The following GYPB variants were observed in gnomAD, a reference collection of about 807,000 sequenced individuals.
GYPB encodes the protein glycophorin B (MNS blood group).
A neutral mutation model predicts 15.3 loss-of-function variants in GYPB; 13 were observed. The observed-to-expected ratio is 0.85, with a 90% CI of 0.55 to 1.35. The LOEUF (loss-of-function observed/expected upper bound fraction) is 1.35, where lower values mean the gene tolerates loss of function less well. Among genes scored for constraint, GYPB ranks in the 40% most tolerant of loss-of-function variants. The pLI is 0.00. For synonymous variants in GYPB, 38 were observed against 36.9 expected, an observed-to-expected ratio of 1.03 and a Z score of -0.11; for missense variants, 131 against 108.3, an observed-to-expected ratio of 1.21 and a Z score of -0.93.
At chr4:144,003,445 A>G (rs919901653) in intron 1 of GYPB, among the ~76,000 whole-genome samples, 2 of 151,334 alleles carry the variant, frequency 1.3e-5, no homozygotes, top group Non-Finnish European at 2.9e-5. Flanking sequence ...GAGAAGCCCT[A>G]TAGCCTGAGG....
Position 143,996,339 on chromosome 4 carries a change from C to T in GYPB, c.271-35G>A, listed in dbSNP as rs183421680. 2.0e-4 allele frequency: 317 copies of T among 1,550,172 alleles called. 19 individuals are homozygous for T. The African/African-American group carries it at 3.9e-3, about 19-fold the overall frequency. ...AAAGACAAGAAGTTTCCACTTCAGC[C>T]TCTGCTTGACCATGAGCTAAGACTC... On this transcript the variant is annotated intron_variant, in intron 4 of 4. Coordinates refer to ENST00000502664, the MANE Select transcript of GYPB (RefSeq NM_002100.6).
intron 1 of GYPB, among the ~76,000 whole-genome samples, chr4:144,017,995 C>G (rs553065670): frequency 6.6e-6 from 1 of 151,166 alleles, no homozygotes; most frequent in African/African-American, 2.5e-5. Context: ...TAGGTTTGTT[C>G]CCTAGTCTAT....
intron 1 of GYPB, among the ~76,000 whole-genome samples, chr4:144,001,568 C>T (rs1403629715): frequency 1.3e-5 from 2 of 150,988 alleles, no homozygotes; most frequent in Non-Finnish European, 2.9e-5. Flanking sequence ...TAATACTTGC[C>T]TCAAAATGTC....
intron 1 of GYPB, among the ~76,000 whole-genome samples, chr4:144,002,081 C>T (rs1057238315): frequency 3.4e-5 from 5 of 148,512 alleles, no homozygotes; most frequent in African/African-American, 1.3e-4. Context: ...TGTAATTAAA[C>T]ACTTTTTATT....
At chr4:144,012,015 A>G (rs1728244228) in intron 1 of GYPB, among the ~76,000 whole-genome samples, 1 of 152,114 alleles carries the variant, frequency 6.6e-6, no homozygotes, top group Non-Finnish European at 1.5e-5. Context: ...GATGACTGGG[A>G]AATAAGTGAT....
Position 143,997,674 on chromosome 4 carries a change from G to T in GYPB, c.176-40C>A. The T allele has an allele frequency of 3.0e-6, 3 of 990,408 alleles. No individual in the cohort carries two copies. The South Asian group carries it at 3.8e-5, about 13-fold the overall frequency. The allele number at this position is 990,408 out of a possible 1,614,324, so 61.4% of individuals were successfully genotyped here. A position where few individuals can be genotyped will look rare whatever the true frequency, so the allele number is the denominator to read the frequency against. On this transcript the variant is annotated intron_variant, in intron 3 of 4. Coordinates refer to ENST00000502664, the MANE Select transcript of GYPB (RefSeq NM_002100.6). Reference sequence around the variant, plus strand: ...AAAATTATGAAAGTCTGAAATAAATGACCACATAGCAATAGAAAAATAAGA... The same window carrying T: ...AAAATTATGAAAGTCTGAAATAAATTACCACATAGCAATAGAAAAATAAGA...
intron 1 of GYPB, among the ~76,000 whole-genome samples, chr4:144,017,927 G>C (rs1486485554): frequency 6.6e-6 from 1 of 151,116 alleles, no homozygotes. Context: ...TTTGTTTTCT[G>C]TTTTCTTTCT....
chr4:144,016,033 T>G (rs997932995), intron 1 of GYPB, among the ~76,000 whole-genome samples: 2 of 149,942 alleles, frequency 1.3e-5, no homozygotes, highest in African/African-American at 5.0e-5. Flanking sequence ...GACACAGGTT[T>G]GGCTTTTCAA....
chr4:144,002,822 A>T (rs1727698843), intron 1 of GYPB: 1 of 445,574 alleles, frequency 2.2e-6, no homozygotes, highest in Admixed American at 2.8e-5. Flanking sequence ...CAAATCATGG[A>T]GAAGACATGA....
At chr4:144,017,785 A>C (rs1728584008) in intron 1 of GYPB, among the ~76,000 whole-genome samples, 1 of 151,374 alleles carries the variant, frequency 6.6e-6, no homozygotes, top group Admixed American at 6.6e-5. Context: ...CAAAGAATAC[A>C]TCTTTTTTTC....
Position 143,999,442 on chromosome 4 carries a change from C to G in GYPB, c.144G>C (p.Thr48=). The stretch of plus-strand genomic sequence containing the variant: ...CAGTGAAACGATGGACAAGTTGTCC[C>G]GTTTCTCCTATAAAGCAAAATTTCA... ...SYISSQTNGE[T]GQLVHRFTVP... The change falls in exon 3 of 5, where the codon ACG becomes ACC. Residue 48 remains threonine, a synonymous_variant. Coordinates refer to ENST00000502664, the MANE Select transcript of GYPB (RefSeq NM_002100.6). The G allele has an allele frequency of 1.3e-6, 2 of 1,531,666 alleles. No individual in the cohort carries two copies. Among genetic ancestry groups the G allele is most frequent in the East Asian group, 2.3e-5 (1 of 44,318 alleles). The allele number at this position is 1,531,666 out of a possible 1,614,324, so 94.9% of individuals were successfully genotyped here. A position where few individuals can be genotyped will look rare whatever the true frequency, so the allele number is the denominator to read the frequency against.
chr4:144,013,927 AT>A lies in GYPB; in HGVS notation c.37+5323del, dbSNP rs149299823. On this transcript the variant is annotated intron_variant, in intron 1 of 4. Transcript: ENST00000502664. ...AAACTTAAAGTATAGTAAAAAAAAA[AT>A]AATGGGTGAAGGACTAGAACCAACA... Among the ~76,000 whole-genome samples the A allele has an allele frequency of 5.4e-3, 800 of 147,884 alleles. 50 individuals carry two copies. The highest frequency in any genetic ancestry group is 0.02 in the African/African-American group (756 of 37,360).
chr4:144,016,140 GAA>G (rs10594193), intron 1 of GYPB, among the ~76,000 whole-genome samples: 986 of 38,814 alleles, frequency 0.025, 21 homozygotes, highest in East Asian at 0.087. Flanking sequence ...TTGGATCCCT[GAA>G]AAAAAAAAAA....
At chr4:143,996,479 A>G (rs1361441202) in intron 4 of GYPB, among the ~76,000 whole-genome samples, 175 bp from the exon 5 acceptor site, 2 of 151,192 alleles carry the variant, frequency 1.3e-5, no homozygotes, top group African/African-American at 4.9e-5. Context: ...AAAAACCCTA[A>G]TTAGGGCCGG....
At chr4:144,017,748 C>A (rs532715105) in intron 1 of GYPB, among the ~76,000 whole-genome samples, 1 of 151,544 alleles carries the variant, frequency 6.6e-6, no homozygotes, top group East Asian at 1.9e-4. Context: ...GAGCTACATC[C>A]AGTTTGGTTT....
rs562549948 is a variant in GYPB at position 144,005,949 on chromosome 4, G to A, written c.38-4666C>T. ...AAAGGGGAGTATAACATGCATTGATGTGGAGGCTTAGGTCACCTAGCAGGC... is the reference window on the plus strand; with the variant it reads ...AAAGGGGAGTATAACATGCATTGATATGGAGGCTTAGGTCACCTAGCAGGC... On this transcript the variant is annotated intron_variant, in intron 1 of 4. Coordinates refer to ENST00000502664, the MANE Select transcript of GYPB (RefSeq NM_002100.6). Among the ~76,000 whole-genome samples the A allele has an allele frequency of 2.6e-3, 394 of 151,644 alleles. 22 individuals are homozygous for A. Among genetic ancestry groups the A allele is most frequent in the African/African-American group, 9.1e-3 (370 of 40,882 alleles).
At position 144,015,838 on chromosome 4, in the gene GYPB, T is replaced by C. The variant is rs1405475636; in HGVS notation, c.37+3413A>G. Among the ~76,000 whole-genome samples, 22 of 151,264 alleles carry C rather than the reference T, an allele frequency of 1.5e-4. 3 individuals carry two copies. The highest frequency in any genetic ancestry group is 4.9e-4 in the African/African-American group (20 of 40,626). On this transcript the variant is annotated intron_variant, in intron 1 of 4. Coordinates refer to ENST00000502664, the MANE Select transcript of GYPB (RefSeq NM_002100.6). Reference sequence around the variant, plus strand: ...GGGGTTTACAGATGAAAAATGATTGTAGATACCATCTACTCGGTGCTTGAT... The same window carrying C: ...GGGGTTTACAGATGAAAAATGATTGCAGATACCATCTACTCGGTGCTTGAT...
intron 1 of GYPB, among the ~76,000 whole-genome samples, chr4:144,008,606 C>T (rs536751361): frequency 2.0e-5 from 3 of 151,634 alleles, no homozygotes; most frequent in South Asian, 4.1e-4. Context: ...ACATATTTTA[C>T]CTGTGTCCAC....
At chr4:144,010,572 G>A (rs953829470) in intron 1 of GYPB, among the ~76,000 whole-genome samples, 2 of 151,560 alleles carry the variant, frequency 1.3e-5, no homozygotes, top group African/African-American at 2.4e-5. Flanking sequence ...ACAAGTGTGT[G>A]TGTGAGTCTG....
Sources: gnomAD v4.1 joint callset for allele counts (sites outside exome capture counted in the v4.1 genomes callset) on GRCh38, gnomAD v4.1.1 for gene constraint, MANE v1.5 for transcripts, NCBI Gene and HGNC (gene_info 2026-07-23, HGNC 2026-07-21) for gene names.